ZMYND12: variants seen among roughly 807,000 people sequenced by gnomAD.
ZMYND12 encodes zinc finger MYND-type containing 12.
A neutral mutation model predicts 41.7 loss-of-function variants in ZMYND12; 32 were observed. The observed-to-expected ratio is 0.77, with a 90% CI of 0.58 to 1.03. ZMYND12 has a LOEUF of 1.03. Among genes scored for constraint, ZMYND12 ranks in the 50% least tolerant of loss-of-function variants. ZMYND12 has a pLI of 0.00. For missense variants in ZMYND12, 424 were observed against 438.5 expected (o/e 0.97, Z 0.30); for synonymous variants, 148 against 164.8 (o/e 0.90, Z 0.78).
intron 3 of ZMYND12, among the ~76,000 whole-genome samples, chr1:42,444,504 T>C (rs906733516): frequency 3.3e-5 from 5 of 152,200 alleles, no homozygotes; most frequent in Non-Finnish European, 7.3e-5. Flanking sequence ...TCAAAGCACT[T>C]TCATGGTCAT....
Position 42,439,965 on chromosome 1 carries a change from T to G in ZMYND12, c.485A>C (p.Lys162Thr). The change falls in exon 4 of 8, where the codon AAA (lysine) becomes ACA (threonine). Residue 162 changes from lysine (K) to threonine (T), a missense_variant. Coordinates refer to ENST00000372565, the MANE Select transcript of ZMYND12 (RefSeq NM_032257.5). ...GGTGGCATTACTACAGTCAGTTGAT[T>G]TGAGGACTGTCCACTGGGCTTGGAA... is the stretch of plus-strand genomic sequence containing the variant. ...YLFQAQWTVLKSTDCSNATHS... is the reference protein window; with the variant it reads ...YLFQAQWTVLTSTDCSNATHS... 6.2e-7 allele frequency: 1 copy of G among 1,614,106 alleles called. No homozygotes were observed. Among genetic ancestry groups the G allele is most frequent in the South Asian group, 1.1e-5 (1 of 91,058 alleles).
chr1:42,439,734 T>C, intron 4 of ZMYND12, 122 bp downstream of exon 4: 1 of 1,067,494 alleles, frequency 9.4e-7, no homozygotes, highest in Non-Finnish European at 1.3e-6. Flanking sequence ...AAATAATCAG[T>C]TGTAAACAGA....
At chr1:42,434,246 T>C (rs2148404351) in intron 6 of ZMYND12, among the ~76,000 whole-genome samples, 1 of 152,340 alleles carries the variant, frequency 6.6e-6, no homozygotes, top group South Asian at 2.1e-4. Flanking sequence ...GAGGGCATGA[T>C]GCTGTACGGT....
intron 2 of ZMYND12, among the ~76,000 whole-genome samples, chr1:42,449,282 C>T (rs975796799): frequency 3.1e-4 from 47 of 152,280 alleles, no homozygotes; most frequent in African/African-American, 1.1e-3. Flanking sequence ...TATATCCATA[C>T]ATCATTCTTA....
rs891429480 is a variant in ZMYND12, at chr1:42,440,094, C to T, written c.425-69G>A. On this transcript the variant is annotated intron_variant, in intron 3 of 7. Transcript: ENST00000372565. ...AAAGAACACATGAGGAAATATGAGT[C>T]ATTACCCATTCACTCATGTATTCAT... 10 of 1,470,264 alleles carry T rather than the reference C, an allele frequency of 6.8e-6. No individual in the cohort carries two copies. The Admixed American group carries it at 2.2e-4, about 32-fold the overall frequency. 91.1% of individuals were successfully genotyped at this position (1,470,264 alleles called of 1,614,324 possible). A position where few individuals can be genotyped will look rare whatever the true frequency, so the allele number is the denominator to read the frequency against.
At chr1:42,445,779 G>C (rs1049310985) in intron 3 of ZMYND12, among the ~76,000 whole-genome samples, 1 of 152,090 alleles carries the variant, frequency 6.6e-6, no homozygotes, top group Admixed American at 6.6e-5. Flanking sequence ...TTATTTAGAG[G>C]AGTGATGGGT....
Position 42,433,180 on chromosome 1 carries a change from A to T in ZMYND12, c.938T>A (p.Leu313Gln). Residue 313 changes from leucine to glutamine, a missense_variant, in exon 7 of 8, where the codon CTG becomes CAG. By Grantham distance (113) the Leu-to-Gln change is moderately radical. Coordinates refer to ENST00000372565, the MANE Select transcript of ZMYND12 (RefSeq NM_032257.5). ...CATCATCAGGTAGTAAAACATGACC[A>T]GGATCTTCAGAACAAAGATGGTTTT... is the stretch of plus-strand genomic sequence containing the variant. ...PQKTIFVLKI[L>Q]VMFYYLMMNS... The T allele has an allele frequency of 6.2e-7, 1 of 1,610,242 alleles. No homozygotes were observed. The highest frequency in any genetic ancestry group is 8.5e-7 in the Non-Finnish European group (1 of 1,178,360).
At chr1:42,435,214 G>T in intron 6 of ZMYND12, 60 bp downstream of exon 6, 1 of 1,294,714 alleles carries the variant, frequency 7.7e-7, no homozygotes, top group Non-Finnish European at 1.1e-6. Flanking sequence ...TTAGGGACAA[G>T]GTCTGTGTAT....
At position 42,455,863 on chromosome 1, in the gene ZMYND12, C is replaced by T; in HGVS notation, c.110+25G>A. 4 of 1,568,884 alleles carry T rather than the reference C, an allele frequency of 2.5e-6. No individual in the cohort carries two copies. In the South Asian group the frequency reaches 4.6e-5, roughly 18 times the overall value. ...GGAGAGAGGGAGGGAGTTATAGCGCCCAGGTGCCACGTTTCAGGGCCTACC... is the reference window on the plus strand; with the variant it reads ...GGAGAGAGGGAGGGAGTTATAGCGCTCAGGTGCCACGTTTCAGGGCCTACC... On this transcript the variant is annotated intron_variant, in intron 1 of 7. Coordinates refer to ENST00000372565, the MANE Select transcript of ZMYND12 (RefSeq NM_032257.5).
intron 4 of ZMYND12, among the ~76,000 whole-genome samples, chr1:42,437,880 TAGTC>T (rs1249153564): frequency 2.0e-5 from 3 of 152,210 alleles, no homozygotes; most frequent in Non-Finnish European, 4.4e-5. Context: ...TTCACCATGT[TAGTC>T]AGGCTGATCT....
chr1:42,431,204 G>A (rs1642845117), intron 7 of ZMYND12, among the ~76,000 whole-genome samples: 3 of 152,154 alleles, frequency 2.0e-5, no homozygotes, highest in Admixed American at 2.0e-4. Flanking sequence ...TACCACTCTG[G>A]GGTGGTCCTG....
intron 1 of ZMYND12, among the ~76,000 whole-genome samples, chr1:42,454,520 T>C (rs111518105): frequency 2.6e-5 from 4 of 152,180 alleles, no homozygotes; most frequent in African/African-American, 9.7e-5. Flanking sequence ...GTGTCTACCT[T>C]CCTCTGTATC....
At chr1:42,443,673 T>A (rs1247044405) in intron 3 of ZMYND12, among the ~76,000 whole-genome samples, 1 of 152,182 alleles carries the variant, frequency 6.6e-6, no homozygotes, top group Non-Finnish European at 1.5e-5. Context: ...TTTGCATCGG[T>A]GGTCTAAGTC....
intron 5 of ZMYND12, 161 bp from the exon 6 acceptor site, chr1:42,435,546 G>T (rs1286141379): frequency 7.0e-6 from 4 of 570,706 alleles, no homozygotes; most frequent in Non-Finnish European, 1.3e-5. Context: ...GCCCAAACAG[G>T]CCTGGCCAAG....
chr1:42,438,859 C>T (rs891695393), intron 4 of ZMYND12, among the ~76,000 whole-genome samples: 3 of 152,160 alleles, frequency 2.0e-5, no homozygotes, highest in Admixed American at 1.3e-4. Context: ...TCTGACTCTA[C>T]GCTAACTCAG....
rs903864082 is a variant in ZMYND12, at chr1:42,431,276, T to TCTTC, written c.976-422_976-419dup. 4.6e-5 allele frequency among the ~76,000 whole-genome samples: 7 copies of TCTTC among 152,144 alleles called. No individual in the cohort carries two copies. In the South Asian group the frequency reaches 1.0e-3, roughly 22 times the overall value. On this transcript the variant is annotated intron_variant, in intron 7 of 7. Coordinates refer to ENST00000372565, the MANE Select transcript of ZMYND12 (RefSeq NM_032257.5). ...GCTCCCCTTTCTTCCTCCCTTCTTC[T>TCTTC]CTTCCTTCCTTCCTTCCTATAAATT...
At chr1:42,441,065 C>T (rs1381988821) in intron 3 of ZMYND12, among the ~76,000 whole-genome samples, 1 of 152,064 alleles carries the variant, frequency 6.6e-6, no homozygotes, top group Non-Finnish European at 1.5e-5. Flanking sequence ...TGTGCCAGGC[C>T]TTGTGTTGGG....
chr1:42,444,673 T>C (rs1369656681), intron 3 of ZMYND12, among the ~76,000 whole-genome samples: 2 of 152,148 alleles, frequency 1.3e-5, no homozygotes, highest in African/African-American at 4.8e-5. Context: ...ACATCCGTGA[T>C]AATTAAGAAT....
At chr1:42,448,329 G>A (rs1336102863) in intron 3 of ZMYND12, 138 bp downstream of exon 3, 37 of 1,046,882 alleles carry the variant, frequency 3.5e-5, no homozygotes, top group Non-Finnish European at 4.6e-5. Flanking sequence ...CCTACCTTGT[G>A]CTAAACTTTA....
Sources: gnomAD v4.1 joint callset for allele counts (sites outside exome capture counted in the v4.1 genomes callset) on GRCh38, gnomAD v4.1.1 for gene constraint, MANE v1.5 for transcripts, NCBI Gene and HGNC (gene_info 2026-07-23, HGNC 2026-07-21) for gene names.